Variants in POMK observed in about 807,000 individuals in gnomAD.
POMK encodes the protein Sugen kinase 196.
In POMK, 19 loss-of-function variants were observed where a neutral mutation model predicts 23.0. That is an observed-to-expected ratio of 0.83 (90% CI 0.58 to 1.21). The LOEUF (loss-of-function observed/expected upper bound fraction) is 1.21, where lower values mean the gene tolerates loss of function less well. Among genes scored for constraint, POMK ranks in the 50% most tolerant of loss-of-function variants. The pLI, the probability that POMK is intolerant of heterozygous loss-of-function variation, is 0.00. For synonymous variants in POMK, 173 were observed against 171.6 expected, an observed-to-expected ratio of 1.01 and a Z score of -0.06; for missense variants, 410 against 431.3, an observed-to-expected ratio of 0.95 and a Z score of 0.44.
intron 4 of POMK, among the ~76,000 whole-genome samples, chr8:43,116,908 A>G (rs1811811075): frequency 6.6e-6 from 1 of 152,122 alleles, no homozygotes; most frequent in Non-Finnish European, 1.5e-5. Context: ...GAGTCAGCCA[A>G]GGGAGATAGG....
At position 43,102,575 on chromosome 8, in the gene POMK, G is replaced by A. The variant is rs1426138419; in HGVS notation, c.-47G>A. On this transcript the variant is annotated 5_prime_UTR_variant, in exon 3 of 5. Transcript: ENST00000331373. ...ACCAGGTACCTGGATGGAGACCTGAGCTGGAGAAGGAGATGCGCTTGGGAG... is the reference window on the plus strand; with the variant it reads ...ACCAGGTACCTGGATGGAGACCTGAACTGGAGAAGGAGATGCGCTTGGGAG... 1 of 152,546 alleles carries A rather than the reference G, an allele frequency of 6.6e-6. No homozygotes were observed. Among genetic ancestry groups the A allele is most frequent in the African/African-American group, 2.4e-5 (1 of 41,450 alleles). The allele number at this position is 152,546 out of a possible 1,614,324, so 9.4% of individuals were successfully genotyped here.
intron 4 of POMK, among the ~76,000 whole-genome samples, chr8:43,104,279 C>A (rs752290254): frequency 6.6e-6 from 1 of 152,054 alleles, no homozygotes; most frequent in Non-Finnish European, 1.5e-5. Context: ...TATGCCACCA[C>A]GCCTGGCTAA....
At chr8:43,093,953 T>C (rs958940946) in intron 1 of POMK, among the ~76,000 whole-genome samples, 11 of 152,262 alleles carry the variant, frequency 7.2e-5, no homozygotes, top group African/African-American at 2.6e-4. Context: ...TGGCGCCGCC[T>C]ATAGTCTTAT....
At chr8:43,107,368 C>A (rs183386530) in intron 4 of POMK, among the ~76,000 whole-genome samples, 1 of 152,110 alleles carries the variant, frequency 6.6e-6, no homozygotes, top group Non-Finnish European at 1.5e-5. Context: ...TTGCATAAAG[C>A]GCATCAGTAA....
Position 43,114,158 on chromosome 8 carries a change from T to C in POMK, c.283-7949T>C, listed in dbSNP as rs187998487. On this transcript the variant is annotated intron_variant, in intron 4 of 4. Coordinates refer to ENST00000331373, the MANE Select transcript of POMK (RefSeq NM_032237.5). Reference sequence around the variant, plus strand: ...TTCAAAGCTGTCAGACAGGGACATTTAAGTCTGCAGAGGTTACTGCTGTCT... The same window carrying C: ...TTCAAAGCTGTCAGACAGGGACATTCAAGTCTGCAGAGGTTACTGCTGTCT... Among the ~76,000 whole-genome samples the C allele has an allele frequency of 4.3e-3, 659 of 152,380 alleles. 4 individuals are homozygous for C. Among genetic ancestry groups the C allele is most frequent in the African/African-American group, 0.015 (638 of 41,590 alleles).
chr8:43,095,691 A>G (rs778809163), intron 1 of POMK, among the ~76,000 whole-genome samples: 7 of 152,094 alleles, frequency 4.6e-5, no homozygotes, highest in Non-Finnish European at 8.8e-5. Context: ...TACCTTCCAA[A>G]ACCTTGCACA....
Position 43,103,829 on chromosome 8 carries a change from G to A in POMK, c.281G>A (p.Arg94Lys). 1 of 1,614,026 alleles carries A rather than the reference G, an allele frequency of 6.2e-7. No homozygotes were observed. The highest frequency in any genetic ancestry group is 8.5e-7 in the Non-Finnish European group (1 of 1,179,888). The change falls in exon 4 of 5, where the codon AGA becomes AAA. Residue 94 changes from arginine (R) to lysine (K), a missense_variant and splice_region_variant. Arg to Lys is a conservative substitution (Grantham distance 26, BLOSUM62 2). Transcript: ENST00000331373. ...LKRVGEGAVK[R>K]VFLSEWKEHK... ...CGTGTTGGGGAAGGAGCTGTAAAGA[G>A]AGTGAGTCCGGGTTCATTTGCGATT... is the stretch of plus-strand genomic sequence containing the variant.
At chr8:43,121,977 G>A (rs1249044094) in intron 4 of POMK, 130 bp from the exon 5 acceptor site, 5 of 864,314 alleles carry the variant, frequency 5.8e-6, no homozygotes, top group African/African-American at 3.4e-5. Flanking sequence ...GCAACTCTAC[G>A]ATGGGGTCTG....
intron 1 of POMK, among the ~76,000 whole-genome samples, chr8:43,094,927 A>G (rs1453276082): frequency 1.3e-5 from 2 of 152,058 alleles, no homozygotes; most frequent in Non-Finnish European, 2.9e-5. Flanking sequence ...AGGACCAGTA[A>G]ATTTCAGTGG....
intron 3 of POMK, among the ~76,000 whole-genome samples, chr8:43,102,969 G>A (rs1811474182): frequency 6.6e-6 from 1 of 152,154 alleles, no homozygotes; most frequent in African/African-American, 2.4e-5. Flanking sequence ...CTTAATAACT[G>A]GTCTCCCAGC....
intron 4 of POMK, among the ~76,000 whole-genome samples, chr8:43,114,580 C>T (rs573872238): frequency 5.9e-5 from 9 of 152,244 alleles, no homozygotes; most frequent in East Asian, 1.9e-4. Flanking sequence ...GGCACTGCCT[C>T]GCCGTGCTTC....
At chr8:43,107,698 A>G (rs1040199728) in intron 4 of POMK, among the ~76,000 whole-genome samples, 13 of 127,252 alleles carry the variant, frequency 1.0e-4, no homozygotes, top group African/African-American at 3.9e-4. Flanking sequence ...TTTTTTTGGT[A>G]GAGATGGAGT....
chr8:43,122,986 T>TAAA lies in POMK; in HGVS notation c.*110_*111insAAA. ...GAGTTTCGTGTTTTATTGTTTTTTT[T>TAAA]ATGGCTTAGCCATGTGGTTCGTTGT... On this transcript the variant is annotated 3_prime_UTR_variant, in exon 5 of 5. Coordinates refer to ENST00000331373, the MANE Select transcript of POMK (RefSeq NM_032237.5). The TAAA allele has an allele frequency of 2.0e-6, 2 of 979,478 alleles. No homozygotes were observed. The highest frequency in any genetic ancestry group is 3.0e-6 in the Non-Finnish European group (2 of 664,618). 60.7% of individuals were successfully genotyped at this position (979,478 alleles called of 1,614,324 possible).
chr8:43,118,159 A>G (rs983726576), intron 4 of POMK, among the ~76,000 whole-genome samples: 2 of 152,220 alleles, frequency 1.3e-5, no homozygotes, highest in African/African-American at 2.4e-5. Flanking sequence ...AGGTAGTAGT[A>G]TCTGTAAAAG....
At chr8:43,118,252 A>G (rs1475141154) in intron 4 of POMK, among the ~76,000 whole-genome samples, 1 of 152,252 alleles carries the variant, frequency 6.6e-6, no homozygotes, top group Non-Finnish European at 1.5e-5. Flanking sequence ...CTAGATCTAC[A>G]TGTATATATG....
intron 4 of POMK, among the ~76,000 whole-genome samples, chr8:43,105,211 CTATTTGAGAGTGTATAATATATTGT>C (rs1462723951): frequency 6.6e-6 from 1 of 152,110 alleles, no homozygotes; most frequent in African/African-American, 2.4e-5. Flanking sequence ...TCTCTTCTGG[CTATTTGAGAGTGTATAATATATTGT>C]TAATTATAGT....
At chr8:43,109,587 G>C (rs1255678254) in intron 4 of POMK, among the ~76,000 whole-genome samples, 1 of 151,762 alleles carries the variant, frequency 6.6e-6, no homozygotes, top group Non-Finnish European at 1.5e-5. Context: ...CTGTTGCCCA[G>C]GCTGGAGTGC....
chr8:43,122,266 C>G lies in POMK; in HGVS notation c.442C>G (p.Leu148Val). 1 of 1,614,184 alleles carries G rather than the reference C, an allele frequency of 6.2e-7. No individual in the cohort carries two copies. Among genetic ancestry groups the G allele is most frequent in the Non-Finnish European group, 8.5e-7 (1 of 1,180,020 alleles). Reference protein sequence around the residue: ...LGYCEDDNTMLTEYHPLGSLS... With the variant: ...LGYCEDDNTMVTEYHPLGSLS... Reference sequence around the variant, plus strand: ...CTATTGTGAGGATGACAACACTATGCTTACTGAATATCACCCTCTAGGTTC... The same window carrying G: ...CTATTGTGAGGATGACAACACTATGGTTACTGAATATCACCCTCTAGGTTC... Residue 148 changes from leucine (L) to valine (V), a missense_variant, in exon 5 of 5, where the codon CTT becomes GTT. Coordinates refer to ENST00000331373, the MANE Select transcript of POMK (RefSeq NM_032237.5).
In POMK at chr8:43,123,139, C is replaced by G. The variant is rs1161002255; in HGVS notation, c.*262C>G. Reference sequence around the variant, plus strand: ...TGATGTGATCTTGGCTCACTGCAGCCTCTGCCTCCCAGGTTCAAGCAATTC... The same window carrying G: ...TGATGTGATCTTGGCTCACTGCAGCGTCTGCCTCCCAGGTTCAAGCAATTC... On this transcript the variant is annotated 3_prime_UTR_variant, in exon 5 of 5. Coordinates refer to ENST00000331373, the MANE Select transcript of POMK (RefSeq NM_032237.5). 6.1e-6 allele frequency: 2 copies of G among 326,692 alleles called. No individual in the cohort carries two copies. Among genetic ancestry groups the G allele is most frequent in the Non-Finnish European group, 1.1e-5 (2 of 178,042 alleles). The allele number at this position is 326,692 out of a possible 1,614,324, so 20.2% of individuals were successfully genotyped here. A position where few individuals can be genotyped will look rare whatever the true frequency, so the allele number is the denominator to read the frequency against.
Sources: allele counts gnomAD v4.1 joint callset (sites outside exome capture counted in the v4.1 genomes callset), GRCh38; gene constraint gnomAD v4.1.1; transcripts MANE v1.5; gene names NCBI Gene and HGNC (gene_info 2026-07-23, HGNC 2026-07-21).